CCNK: variants seen among roughly 807,000 people sequenced by gnomAD.
The protein encoded by CCNK is cyclin-K.
Under a neutral mutation model 65.0 loss-of-function variants are expected in CCNK, and 9 were observed. That is an observed-to-expected ratio of 0.14 (90% CI 0.08 to 0.24). The LOEUF (loss-of-function observed/expected upper bound fraction) is 0.24. Among genes scored for constraint, CCNK ranks in the 10% least tolerant of loss-of-function variants. The pLI, the probability that CCNK is intolerant of heterozygous loss-of-function variation, is 1.00. For synonymous variants in CCNK, 279 were observed against 270.8 expected (o/e 1.03, Z -0.30); for missense variants, 474 against 720.0 (o/e 0.66, Z 3.91).
At chr14:99,488,793 T>C (rs1423171952) in intron 1 of CCNK, among the ~76,000 whole-genome samples, 1 of 152,194 alleles carries the variant, frequency 6.6e-6, no homozygotes, top group Non-Finnish European at 1.5e-5. Context: ...TATGTATTAA[T>C]ATTATGGACA....
intron 10 of CCNK, chr14:99,509,202 C>T (rs1897050963): frequency 6.6e-6 from 1 of 152,284 alleles, no homozygotes; most frequent in African/African-American, 2.4e-5. Flanking sequence ...TTTGTCCTCT[C>T]TATGTTCTCT....
In CCNK at chr14:99,491,239, T is replaced by A. The variant is rs116242562; in HGVS notation, c.-52-1387T>A. ...GACATTTCATAGTTAGGACAATATT[T>A]TCAGAGTCGATTCCCAGCAGTGGGA... is the stretch of plus-strand genomic sequence containing the variant. On this transcript the variant is annotated intron_variant, in intron 1 of 10. Coordinates refer to ENST00000389879, the MANE Select transcript of CCNK (RefSeq NM_001099402.2). Among the ~76,000 whole-genome samples the A allele has an allele frequency of 7.2e-3, 1,098 of 152,298 alleles. 9 individuals carry two copies. Among genetic ancestry groups the A allele is most frequent in the African/African-American group, 0.024 (1,016 of 41,558 alleles).
rs1485356787 is a variant in CCNK, at chr14:99,511,090, CA to C, written c.*310del. ...AGGACGTTAACCAGCCATATTGGCT[CA>C]ATAAATAGCTTCGGTAAGGAGTTAA... On this transcript the variant is annotated 3_prime_UTR_variant, in exon 11 of 11. Transcript: ENST00000389879. 8.6e-6 allele frequency: 2 copies of C among 233,880 alleles called. No homozygotes were observed. Among genetic ancestry groups the C allele is most frequent in the African/African-American group, 4.5e-5 (2 of 44,432 alleles). The allele number at this position is 233,880 out of a possible 1,614,324, so 14.5% of individuals were successfully genotyped here.
At chr14:99,485,536 G>A (rs1298472926) in intron 1 of CCNK, among the ~76,000 whole-genome samples, 1 of 152,088 alleles carries the variant, frequency 6.6e-6, no homozygotes, top group Non-Finnish European at 1.5e-5. Context: ...TGACCAGTTA[G>A]CCTCCCTTGT....
At chr14:99,495,464 T>C (rs769132864) in intron 3 of CCNK, 34 bp from the exon 4 acceptor site, 1 of 1,589,088 alleles carries the variant, frequency 6.3e-7, no homozygotes, top group South Asian at 1.2e-5. Context: ...TGACCTTTGA[T>C]AACAAAAATC....
Position 99,492,658 on chromosome 14 carries a change from G to T in CCNK, c.-20G>T. On this transcript the variant is annotated 5_prime_UTR_variant, in exon 2 of 11. Transcript: ENST00000389879. ...ACATTTTCAGAGAACCTTTTGGAAAGAACAAGCCTACTTCAATAAATGAAG... is the reference window on the plus strand; with the variant it reads ...ACATTTTCAGAGAACCTTTTGGAAATAACAAGCCTACTTCAATAAATGAAG... 1 of 1,584,846 alleles carries T rather than the reference G, an allele frequency of 6.3e-7. No homozygotes were observed. Among genetic ancestry groups the T allele is most frequent in the Non-Finnish European group, 8.5e-7 (1 of 1,170,348 alleles).
intron 3 of CCNK, 101 bp downstream of exon 3, chr14:99,493,696 A>G (rs1896641829): frequency 1.2e-6 from 1 of 814,060 alleles, no homozygotes; most frequent in Non-Finnish European, 1.9e-6. Context: ...ATTTTCCAGA[A>G]AGTATTTATT....
chr14:99,508,439 C>G (rs1271937014), intron 10 of CCNK: 2 of 152,346 alleles, frequency 1.3e-5, no homozygotes, highest in African/African-American at 2.4e-5. Flanking sequence ...GAGCTCTGCT[C>G]CCTCCCCCAT....
chr14:99,495,715 C>T, intron 4 of CCNK, 86 bp downstream of exon 4: 1 of 1,226,534 alleles, frequency 8.2e-7, no homozygotes. Context: ...GTGCCTGTAG[C>T]CCTTGTGTCT....
chr14:99,488,927 T>TC (rs932818430), intron 1 of CCNK, among the ~76,000 whole-genome samples: 8 of 151,692 alleles, frequency 5.3e-5, no homozygotes, highest in African/African-American at 1.5e-4. Flanking sequence ...TTTTTTTTTT[T>TC]CCCTAGCAAA....
At chr14:99,493,616 G>T (rs1656262915) in intron 3 of CCNK, 21 bp downstream of exon 3, 1 of 1,438,354 alleles carries the variant, frequency 7.0e-7, no homozygotes, top group African/African-American at 1.4e-5. Flanking sequence ...GAATTTTATT[G>T]TAATTCTCTG....
At chr14:99,503,753 C>A in intron 9 of CCNK, 109 bp downstream of exon 9, 1 of 917,218 alleles carries the variant, frequency 1.1e-6, no homozygotes, top group Non-Finnish European at 1.7e-6. Flanking sequence ...TAAATCTTAA[C>A]TTTAGAGCTC....
intron 4 of CCNK, among the ~76,000 whole-genome samples, chr14:99,497,439 C>T (rs1896726132): frequency 1.3e-5 from 2 of 152,192 alleles, no homozygotes; most frequent in Admixed American, 1.3e-4. Context: ...ACACACATAA[C>T]TCCCTCCCCT....
At chr14:99,501,035 G>A (rs780609960) in intron 5 of CCNK, 164 bp downstream of exon 5, 1 of 618,822 alleles carries the variant, frequency 1.6e-6, no homozygotes, top group South Asian at 2.0e-5. Flanking sequence ...TGCTAATGCT[G>A]TTTCCTTTTA....
rs994923633 is a variant in CCNK at position 99,512,175 on chromosome 14, C to T, written c.*1393C>T. 5 of 152,236 alleles carry T rather than the reference C, an allele frequency of 3.3e-5. No homozygotes were observed. The highest frequency in any genetic ancestry group is 3.8e-4 in the East Asian group (2 of 5,198). The allele number at this position is 152,236 out of a possible 1,614,324, so 9.4% of individuals were successfully genotyped here. ...AGTTCTATTTCTTCTTGTCTCCCCA[C>T]GTCAGAGTGGTTGAATAGAAGGTAG... On this transcript the variant is annotated 3_prime_UTR_variant, in exon 11 of 11. Transcript: ENST00000389879.
chr14:99,483,546 T>A (rs78620458), intron 1 of CCNK, among the ~76,000 whole-genome samples: 5,633 of 152,256 alleles, frequency 0.037, 336 homozygotes, highest in African/African-American at 0.13. Flanking sequence ...CAAGACCCTG[T>A]CTCAAGAAAA....
At chr14:99,496,437 G>A (rs1057278781) in intron 4 of CCNK, among the ~76,000 whole-genome samples, 5 of 152,314 alleles carry the variant, frequency 3.3e-5, no homozygotes, top group African/African-American at 9.6e-5. Context: ...CTGGCCAGGC[G>A]TGGTGGCTCA....
At position 99,488,277 on chromosome 14, in the gene CCNK, T is replaced by TA. The variant is rs537283860; in HGVS notation, c.-52-4334dup. 2.3e-3 allele frequency among the ~76,000 whole-genome samples: 330 copies of TA among 142,858 alleles called. 1 individual carries two copies. The highest frequency in any genetic ancestry group is 0.016 in the East Asian group (79 of 4,984). The allele number at this position is 142,858 out of a possible 152,430, so 93.7% of individuals were successfully genotyped here. A position where few individuals can be genotyped will look rare whatever the true frequency, so the allele number is the denominator to read the frequency against. The stretch of plus-strand genomic sequence containing the variant: ...CAAATTGTTTGAAATTTCTTTTTTT[T>TA]AAAAAAAAAAAAAAAGCAGGATCTA... On this transcript the variant is annotated intron_variant, in intron 1 of 10. Transcript: ENST00000389879.
At chr14:99,493,244 C>G in intron 2 of CCNK, 1 of 467,004 alleles carries the variant, frequency 2.1e-6, no homozygotes, top group Non-Finnish European at 3.8e-6. Context: ...CACCACTGCA[C>G]TCTAGCCTGG....
Sources: gnomAD v4.1 joint callset for allele counts (sites outside exome capture counted in the v4.1 genomes callset) on GRCh38, gnomAD v4.1.1 for gene constraint, MANE v1.5 for transcripts, NCBI Gene and HGNC (gene_info 2026-07-23, HGNC 2026-07-21) for gene names.